Variants in CROCC2 observed in about 807,000 individuals in gnomAD.
The protein encoded by CROCC2 is ciliary rootlet coiled-coil protein 2.
A neutral mutation model predicts 177.6 loss-of-function variants in CROCC2; 163 were observed. The ratio of observed to expected loss-of-function variants is 0.92; its 90% CI spans 0.81 to 1.05. The LOEUF (loss-of-function observed/expected upper bound fraction) is 1.05, where lower values mean the gene tolerates loss of function less well. Ranked by LOEUF, CROCC2 falls within the 50% of genes least tolerant of loss-of-function variation. CROCC2 has a pLI of 0.00. For synonymous variants in CROCC2, 904 were observed against 787.3 expected (o/e 1.15, Z -2.48); for missense variants, 1,929 against 1,797.8 (o/e 1.07, Z -1.32).
intron 28 of CROCC2, among the ~76,000 whole-genome samples, chr2:240,984,433 C>T (rs1304748637): frequency 6.6e-6 from 1 of 151,898 alleles, no homozygotes; most frequent in African/African-American, 2.4e-5. Flanking sequence ...GCCTGCACCC[C>T]AGCCGTCACT....
Position 240,965,307 on chromosome 2 carries a change from G to A in CROCC2, c.3466-74G>A. ...GCCCTCAAGGGACGTGTGAGCGGAG[G>A]CAGGAGGCAGGGAGGCTGCCTGGGT... On this transcript the variant is annotated intron_variant, in intron 22 of 31. Transcript: ENST00000690015. 2.6e-6 allele frequency: 4 copies of A among 1,529,200 alleles called. No individual in the cohort carries two copies. In the South Asian group the frequency reaches 5.0e-5, roughly 19 times the overall value. 94.7% of individuals were successfully genotyped at this position (1,529,200 alleles called of 1,614,324 possible).
rs1559599988 is a variant in CROCC2, at chr2:240,946,162, GCT to G, written c.2275_2276del (p.Leu759ValfsTer2). The G allele has an allele frequency of 1.3e-6, 2 of 1,548,784 alleles. No individual in the cohort carries two copies. The highest frequency in any genetic ancestry group is 1.7e-6 in the Non-Finnish European group (2 of 1,145,468). On this transcript the variant is annotated frameshift_variant, in exon 15 of 32. Transcript: ENST00000690015. LOFTEE classifies it high-confidence loss of function. ...TLQQALQGKD[A>X]LSEERAQLLA... is the part of the protein sequence containing the mutation. The stretch of plus-strand genomic sequence containing the variant: ...GCAGCAAGCCCTGCAAGGAAAGGAT[GCT>G]CTGTCTGAGGAGCGGGCCCAGCTGC...
intron 14 of CROCC2, among the ~76,000 whole-genome samples, chr2:240,942,331 G>C (rs753511192): frequency 5.3e-5 from 8 of 152,016 alleles, no homozygotes; most frequent in African/African-American, 1.2e-4. Flanking sequence ...AAACATTTCA[G>C]TTATTTGGTA....
intron 2 of CROCC2, among the ~76,000 whole-genome samples, chr2:240,919,146 A>G (rs897605846): frequency 2.9e-4 from 42 of 142,700 alleles, no homozygotes; most frequent in African/African-American, 8.3e-4. Context: ...CGTGGGGGAC[A>G]GTCCTGGGCC....
At chr2:240,961,469 C>G (rs1435752138) in intron 20 of CROCC2, among the ~76,000 whole-genome samples, 1 of 152,040 alleles carries the variant, frequency 6.6e-6, no homozygotes, top group Non-Finnish European at 1.5e-5. Context: ...CATGCACAGG[C>G]ATACAGACGT....
At chr2:240,961,767 C>G (rs1211164620) in intron 20 of CROCC2, among the ~76,000 whole-genome samples, 1 of 87,440 alleles carries the variant, frequency 1.1e-5, no homozygotes, top group Non-Finnish European at 2.2e-5. Context: ...CTGGCTCTCA[C>G]ACACACACAC....
intron 27 of CROCC2, among the ~76,000 whole-genome samples, chr2:240,970,440 G>A (rs2059712553): frequency 6.6e-6 from 1 of 152,202 alleles, no homozygotes; most frequent in Non-Finnish European, 1.5e-5. Context: ...GTTGTTCATA[G>A]GACACTTTCT....
At chr2:240,930,062 A>C in intron 5 of CROCC2, 104 bp from the exon 6 acceptor site, 1 of 516,232 alleles carries the variant, frequency 1.9e-6, no homozygotes, top group South Asian at 3.8e-5. Context: ...TGCTGGGTCC[A>C]CTTCCAGCCC....
rs185064681 is a variant in CROCC2 at position 240,914,855 on chromosome 2, G to A, written c.79-3871G>A. 4.6e-5 allele frequency among the ~76,000 whole-genome samples: 7 copies of A among 152,316 alleles called. No homozygotes were observed. The East Asian group carries it at 5.8e-4, about 13-fold the overall frequency. On this transcript the variant is annotated intron_variant, in intron 1 of 31. Transcript: ENST00000690015. Reference sequence around the variant, plus strand: ...TCTGAGCTTCAGCAGGCCCCTGACCGTCCCTGCTTCAGATGGCTTTGACGA... The same window carrying A: ...TCTGAGCTTCAGCAGGCCCCTGACCATCCCTGCTTCAGATGGCTTTGACGA...
chr2:240,933,705 T>A lies in CROCC2; in HGVS notation c.1499T>A (p.Leu500Gln). ...GCTCTGGAGATGGTGGTGGAGGAGC[T>A]GAAAGGGAAGGCAGATGCTGCAGAT... Reference protein sequence around the residue: ...KAALEMVVEELKGKADAADAE... With the variant: ...KAALEMVVEEQKGKADAADAE... The change falls in exon 11 of 32, where the codon CTG (leucine) becomes CAG (glutamine). Residue 500 changes from leucine to glutamine, a missense_variant. Physicochemically the swap from Leu to Gln is moderately radical, Grantham distance 113 (BLOSUM62 -2). This residue lies in a region of CROCC2 where 1,397 missense variants were observed against 1,239.9 expected (regional missense o/e 1.13). Transcript: ENST00000690015. 6.5e-7 allele frequency: 1 copy of A among 1,550,266 alleles called. No individual in the cohort carries two copies. Among genetic ancestry groups the A allele is most frequent in the Non-Finnish European group, 8.7e-7 (1 of 1,146,802 alleles).
chr2:240,947,473 C>T, intron 15 of CROCC2, among the ~76,000 whole-genome samples: 1 of 152,218 alleles, frequency 6.6e-6, no homozygotes, highest in East Asian at 1.9e-4. Context: ...GCATCACAGG[C>T]CACTGAACAG....
intron 25 of CROCC2, 113 bp from the exon 26 acceptor site, chr2:240,967,232 C>T (rs2059689659): frequency 4.4e-6 from 2 of 459,218 alleles, no homozygotes; most frequent in Non-Finnish European, 7.8e-6. Context: ...CTGCCCTGCA[C>T]ACCTGCAGGC....
intron 18 of CROCC2, chr2:240,950,861 A>C (rs2059550547): frequency 2.1e-5 from 5 of 238,274 alleles, no homozygotes; most frequent in South Asian, 1.1e-4. Context: ...CCATTCACCC[A>C]TCCATCTGTC....
chr2:240,946,102 A>G lies in CROCC2; in HGVS notation c.2212A>G (p.Ser738Gly), dbSNP rs757758202. The part of the protein sequence containing the change: ...KQALEEQLAQ[S>G]LQDQEAQMGT... ...GGCCCTGGAGGAGCAGCTGGCTCAGAGCCTGCAGGACCAGGAGGCCCAGAT... is the reference window on the plus strand; with the variant it reads ...GGCCCTGGAGGAGCAGCTGGCTCAGGGCCTGCAGGACCAGGAGGCCCAGAT... Residue 738 changes from serine (S) to glycine (G), a missense_variant, in exon 15 of 32, where the codon AGC (serine) becomes GGC (glycine). Physicochemically the swap from Ser to Gly is moderately conservative, Grantham distance 56 (BLOSUM62 0). Around this residue, in one of 3 missense-constraint regions of CROCC2, gnomAD observed 1,397 missense variants for 1,239.9 expected, o/e 1.13. Transcript: ENST00000690015. 6 of 1,534,532 alleles carry G rather than the reference A, an allele frequency of 3.9e-6. No homozygotes were observed. Among genetic ancestry groups the G allele is most frequent in the Non-Finnish European group, 5.3e-6 (6 of 1,134,130 alleles).
chr2:240,959,191 C>T, intron 19 of CROCC2, 110 bp from the exon 20 acceptor site: 1 of 1,285,218 alleles, frequency 7.8e-7, no homozygotes, highest in Non-Finnish European at 1.0e-6. Context: ...GACCCGGCTC[C>T]CCCTCCCAGG....
chr2:240,951,398 TCCATTCATC>T (rs1207349064), intron 18 of CROCC2, among the ~76,000 whole-genome samples: 2 of 151,500 alleles, frequency 1.3e-5, no homozygotes, highest in East Asian at 3.9e-4. Context: ...CACCTATCCA[TCCATTCATC>T]CATCTGTCCA....
At position 240,949,598 on chromosome 2, in the gene CROCC2, C is replaced by T. The variant is rs1040006404; in HGVS notation, c.2548C>T (p.Arg850Trp). The change falls in exon 17 of 32, where the codon CGG (arginine) becomes TGG (tryptophan). Residue 850 changes from arginine (R) to tryptophan (W), a missense_variant. Physicochemically the swap from Arg to Trp is moderately radical, Grantham distance 101. Around this residue, in one of 3 missense-constraint regions of CROCC2, gnomAD observed 1,397 missense variants for 1,239.9 expected, o/e 1.13. Transcript: ENST00000690015. This position sits in a 1 kb window ranked among gnomAD's most constrained non-coding sequence, Gnocchi z 4.5. ...QEMKLRQDTV[R>W]LQRQVAQQER... The stretch of plus-strand genomic sequence containing the variant: ...AATGAAGCTGCGGCAGGACACGGTG[C>T]GGCTCCAGCGACAGGTGGCACAGCA... 2.3e-5 allele frequency: 36 copies of T among 1,550,522 alleles called. No homozygotes were observed. The highest frequency in any genetic ancestry group is 1.7e-4 in the Middle Eastern group (1 of 5,984).
Position 240,918,809 on chromosome 2 carries a change from G to A in CROCC2, c.162G>A (p.Ser54=), listed in dbSNP as rs1361636625. Residue 54 remains serine, a synonymous_variant, in exon 2 of 32, where the codon TCG becomes TCA. Coordinates refer to ENST00000690015, the MANE Select transcript of CROCC2 (RefSeq NM_001351305.2). This position sits in a 1 kb window ranked among gnomAD's most constrained non-coding sequence, Gnocchi z 6.3. ...LTVRGEGRQA[S]PTPVPTRIRE... Reference sequence around the variant, plus strand: ...TGCGTGGGGAAGGCCGGCAGGCCTCGCCCACCCCCGTGCCCACCCGCATCC... The same window carrying A: ...TGCGTGGGGAAGGCCGGCAGGCCTCACCCACCCCCGTGCCCACCCGCATCC... The A allele has an allele frequency of 4.9e-6, 3 of 608,136 alleles. No individual in the cohort carries two copies. Among genetic ancestry groups the A allele is most frequent in the East Asian group, 3.1e-5 (1 of 32,698 alleles). The allele number at this position is 608,136 out of a possible 1,614,324, so 37.7% of individuals were successfully genotyped here. A position where few individuals can be genotyped will look rare whatever the true frequency, so the allele number is the denominator to read the frequency against.
At chr2:240,925,232 C>T (rs2059388543) in intron 4 of CROCC2, among the ~76,000 whole-genome samples, 2 of 152,220 alleles carry the variant, frequency 1.3e-5, no homozygotes, top group South Asian at 4.1e-4. Context: ...TGCCGGCTCC[C>T]GAGGTCCACC....
Sources: allele counts gnomAD v4.1 joint callset (sites outside exome capture counted in the v4.1 genomes callset), GRCh38; gene constraint gnomAD v4.1.1; regional missense constraint gnomAD v4.1.1; non-coding constraint Gnocchi (gnomAD v3.1); transcripts MANE v1.5; gene names NCBI Gene and HGNC (gene_info 2026-07-23, HGNC 2026-07-21).